The following DPP6 variants were observed in gnomAD, a reference collection of about 807,000 sequenced individuals.
The protein encoded by DPP6 is dipeptidyl peptidase like 6.
In DPP6, 69 loss-of-function variants were observed where a neutral mutation model predicts 122.6. That is an observed-to-expected ratio of 0.56 (90% CI 0.46 to 0.69). DPP6 has a LOEUF of 0.69. Ranked by LOEUF, DPP6 falls within the 30% of genes least tolerant of loss-of-function variation. The pLI is 0.00. For missense variants in DPP6, 928 were observed against 1,116.9 expected (o/e 0.83, Z 2.41); for synonymous variants, 418 against 433.1 (o/e 0.97, Z 0.43).
intron 3 of DPP6, among the ~76,000 whole-genome samples, chr7:154,479,299 T>C (rs1457672995): frequency 2.0e-5 from 3 of 152,062 alleles, no homozygotes; most frequent in Non-Finnish European, 4.4e-5. Flanking sequence ...GGCTCACGCC[T>C]GTAATCCCAG....
At chr7:154,447,448 A>T (rs1159199955) in intron 2 of DPP6, among the ~76,000 whole-genome samples, 1 of 152,172 alleles carries the variant, frequency 6.6e-6, no homozygotes, top group Non-Finnish European at 1.5e-5. Context: ...CTCAGTAAAT[A>T]CATACACAAG....
chr7:154,466,211 G>A (rs1353048934), intron 2 of DPP6, among the ~76,000 whole-genome samples: 1 of 152,068 alleles, frequency 6.6e-6, no homozygotes, highest in Non-Finnish European at 1.5e-5. Context: ...GTCGAGGGGT[G>A]GGGGGCAAGG....
intron 1 of DPP6, among the ~76,000 whole-genome samples, chr7:153,952,386 A>G (rs1802260134): frequency 6.6e-6 from 1 of 152,266 alleles, no homozygotes; most frequent in Non-Finnish European, 1.5e-5. Flanking sequence ...TCAAAGCTAT[A>G]TAGGCTGCTG....
chr7:154,639,309 A>T (rs1309808634), intron 6 of DPP6, among the ~76,000 whole-genome samples: 5 of 152,244 alleles, frequency 3.3e-5, no homozygotes, highest in Middle Eastern at 3.2e-3. Context: ...TAAAGTATTC[A>T]TACAAATTTT....
chr7:154,888,428 G>T (rs1430573133), intron 23 of DPP6, among the ~76,000 whole-genome samples: 1 of 152,174 alleles, frequency 6.6e-6, no homozygotes, highest in South Asian at 2.1e-4. Context: ...AGGCCTCTCT[G>T]ATGCGACCTC....
At chr7:153,920,540 C>T (rs1332804577) in intron 1 of DPP6, among the ~76,000 whole-genome samples, 5 of 128,494 alleles carry the variant, frequency 3.9e-5, no homozygotes, top group Non-Finnish European at 6.7e-5. Context: ...TGTAGGTAGT[C>T]AACCTTTTTC....
chr7:153,932,988 A>G (rs1563021598), intron 1 of DPP6, among the ~76,000 whole-genome samples: 1 of 152,092 alleles, frequency 6.6e-6, no homozygotes, highest in Non-Finnish European at 1.5e-5. Context: ...TGGTTTTATA[A>G]AGGGGAGTTC....
In DPP6 at chr7:154,409,184, A is replaced by G. The variant is rs144598070; in HGVS notation, c.244-37030A>G. On this transcript the variant is annotated intron_variant, in intron 1 of 25. Transcript: ENST00000377770. ...TCCCAATACCTCAGAATGTGACTGT[A>G]TTTAAAGATTGGTCCTTTAAAGAGA... 4.9e-3 allele frequency among the ~76,000 whole-genome samples: 749 copies of G among 152,298 alleles called. 2 individuals are homozygous for G. Among genetic ancestry groups the G allele is most frequent in the Non-Finnish European group, 8.2e-3 (558 of 68,038 alleles).
chr7:153,878,964 A>C, the DPP6 span, among the ~76,000 whole-genome samples: 1 of 152,208 alleles, frequency 6.6e-6, no homozygotes, highest in Admixed American at 6.5e-5. Context: ...ATGGGAAAAA[A>C]GGAAGGAGGA....
chr7:154,180,240 C>T (rs2150744885), intron 1 of DPP6, among the ~76,000 whole-genome samples: 1 of 151,592 alleles, frequency 6.6e-6, no homozygotes, highest in African/African-American at 2.4e-5. Flanking sequence ...CTCAGCTACT[C>T]GGGAGGCTGA....
intron 1 of DPP6, among the ~76,000 whole-genome samples, chr7:153,890,529 A>T (rs1050884563): frequency 1.9e-4 from 29 of 152,314 alleles, no homozygotes; most frequent in African/African-American, 6.5e-4. Context: ...TAAAATCTTT[A>T]AAAAATGTTT....
chr7:153,779,046 G>GA, the DPP6 span, among the ~76,000 whole-genome samples: 7 of 146,864 alleles, frequency 4.8e-5, 1 homozygote, highest in African/African-American at 8.2e-5. Flanking sequence ...ATGAATCTCG[G>GA]AAAAAATAGG....
chr7:154,864,040 C>T (rs1279115815), intron 17 of DPP6, among the ~76,000 whole-genome samples: 1 of 152,116 alleles, frequency 6.6e-6, no homozygotes, highest in South Asian at 2.1e-4. Context: ...AGCAGAAATA[C>T]AGCAGGAGAG....
rs190107662 is a variant in DPP6, at chr7:154,393,334, T to C, written c.244-52880T>C. Among the ~76,000 whole-genome samples, 300 of 152,346 alleles carry C rather than the reference T, an allele frequency of 2.0e-3. 1 individual carries two copies. The highest frequency in any genetic ancestry group is 7.0e-3 in the African/African-American group (289 of 41,578). ...GGAGAAACTATTAGAATTTGTATAG[T>C]AGCATTGCCTTGGACGAGCCTAGTG... On this transcript the variant is annotated intron_variant, in intron 1 of 25. Coordinates refer to ENST00000377770, the MANE Select transcript of DPP6 (RefSeq NM_130797.4).
At chr7:154,542,599 T>C (rs1828819564) in intron 4 of DPP6, among the ~76,000 whole-genome samples, 1 of 152,194 alleles carries the variant, frequency 6.6e-6, no homozygotes, top group South Asian at 2.1e-4. Context: ...GAAACCACCA[T>C]GGGTAAAGAA....
At position 154,146,820 on chromosome 7, in the gene DPP6, C is replaced by T. The variant is rs543888556; in HGVS notation, c.243+93757C>T. On this transcript the variant is annotated intron_variant, in intron 1 of 25. Coordinates refer to ENST00000377770, the MANE Select transcript of DPP6 (RefSeq NM_130797.4). ...GTGGAGGGAGCAAGCCGCGCGGCTG[C>T]CAGGCAGGGCCCTGCTCCCCTGGGT... Among the ~76,000 whole-genome samples, 49 of 147,912 alleles carry T rather than the reference C, an allele frequency of 3.3e-4. 1 individual carries two copies. The South Asian group carries it at 3.4e-3, about 10-fold the overall frequency.
intron 1 of DPP6, among the ~76,000 whole-genome samples, chr7:154,189,490 A>G (rs1798509841): frequency 6.6e-6 from 1 of 152,218 alleles, no homozygotes; most frequent in African/African-American, 2.4e-5. Context: ...GATAACTGTC[A>G]TGGGAGACTG....
chr7:154,152,022 C>A (rs1045418814), intron 1 of DPP6, among the ~76,000 whole-genome samples: 2 of 151,168 alleles, frequency 1.3e-5, no homozygotes, highest in Non-Finnish European at 2.9e-5. Context: ...CCTCTCTATG[C>A]CCTGTTCTTT....
chr7:154,484,243 C>T (rs544574879), intron 3 of DPP6, among the ~76,000 whole-genome samples: 3 of 152,298 alleles, frequency 2.0e-5, no homozygotes, highest in South Asian at 2.1e-4. Context: ...CTCTCCTCAC[C>T]GCATCTGTGA....
Sources: gnomAD v4.1 joint callset for allele counts (sites outside exome capture counted in the v4.1 genomes callset) on GRCh38, gnomAD v4.1.1 for gene constraint, MANE v1.5 for transcripts, NCBI Gene and HGNC (gene_info 2026-07-23, HGNC 2026-07-21) for gene names.